Variants in ECPAS observed in about 807,000 individuals in gnomAD.
ECPAS encodes the protein proteasome adapter and scaffold protein ECM29.
ECPAS carries 70 observed loss-of-function variants against 255.1 expected under a neutral mutation model. The observed-to-expected ratio is 0.27, with a 90% confidence interval of 0.23 to 0.33. ECPAS has a LOEUF of 0.33. Among genes scored for constraint, ECPAS ranks in the 10% least tolerant of loss-of-function variants. ECPAS has a pLI of 1.00. For synonymous variants in ECPAS, 784 were observed against 775.0 expected, an observed-to-expected ratio of 1.01 and a Z score of -0.19; for missense variants, 1,817 against 2,206.4, an observed-to-expected ratio of 0.82 and a Z score of 3.54.
chr9:111,443,251 T>C (rs534235621), intron 4 of ECPAS, among the ~76,000 whole-genome samples: 7 of 152,148 alleles, frequency 4.6e-5, no homozygotes, highest in African/African-American at 1.2e-4. Flanking sequence ...TTCTGAAGCT[T>C]TTTCATTTTT....
intron 24 of ECPAS, among the ~76,000 whole-genome samples, chr9:111,401,378 T>C (rs2098175809): frequency 1.3e-5 from 2 of 152,124 alleles, no homozygotes; most frequent in South Asian, 4.1e-4. Context: ...TTATTAGGGA[T>C]TTTGAAAGGG....
intron 2 of ECPAS, among the ~76,000 whole-genome samples, chr9:111,464,506 C>CA (rs902462114): frequency 2.7e-5 from 4 of 150,858 alleles, no homozygotes; most frequent in Admixed American, 1.3e-4. Context: ...GTTCACAGCC[C>CA]AGGATTAGTA....
chr9:111,476,714 G>C (rs1017402423), intron 1 of ECPAS, among the ~76,000 whole-genome samples: 1 of 151,928 alleles, frequency 6.6e-6, no homozygotes, highest in Non-Finnish European at 1.5e-5. Flanking sequence ...CCAGGCTGGA[G>C]TGCAGTGGCA....
chr9:111,396,023 A>G (rs1440108537), intron 25 of ECPAS, among the ~76,000 whole-genome samples: 3 of 152,234 alleles, frequency 2.0e-5, no homozygotes, highest in Admixed American at 6.5e-5. Context: ...TGAACGCATT[A>G]CCGTGGAGTT....
intron 1 of ECPAS, among the ~76,000 whole-genome samples, chr9:111,483,223 C>T (rs2098309408): frequency 6.6e-6 from 1 of 151,902 alleles, no homozygotes; most frequent in Non-Finnish European, 1.5e-5. Context: ...GGCTGGGCTC[C>T]CCCGACCCCG....
At chr9:111,425,147 T>C (rs1446666828) in intron 12 of ECPAS, among the ~76,000 whole-genome samples, 2 of 151,520 alleles carry the variant, frequency 1.3e-5, no homozygotes, top group South Asian at 2.1e-4. Context: ...GATCATGCCA[T>C]TGCACTCCAG....
In ECPAS at chr9:111,369,164, C is replaced by G. The variant is rs541259690; in HGVS notation, c.4984G>C (p.Glu1662Gln). 3.2e-6 allele frequency: 5 copies of G among 1,581,040 alleles called. No individual in the cohort carries two copies. The African/African-American group carries it at 6.9e-5, about 22-fold the overall frequency. The change falls in exon 46 of 50, where the codon GAA becomes CAA. Residue 1662 changes from glutamate to glutamine, a missense_variant. This residue lies in a region of ECPAS where 960 missense variants were observed against 1,179.0 expected (regional missense o/e 0.81). Coordinates refer to ENST00000684092, the MANE Select transcript of ECPAS (RefSeq NM_001364929.1). ...TTGGTTGTCCGGACCCCACTGCTTTCAAGTGAGTTCTAGGATATATCAAAG... is the reference window on the plus strand; with the variant it reads ...TTGGTTGTCCGGACCCCACTGCTTTGAAGTGAGTTCTAGGATATATCAAAG... ...VIPLIKKNSL[E>Q]SSGVRTTKNE...
chr9:111,376,992 C>CA (rs1453072509), intron 36 of ECPAS, among the ~76,000 whole-genome samples: 2 of 152,288 alleles, frequency 1.3e-5, no homozygotes, highest in East Asian at 3.9e-4. Flanking sequence ...GAGAGGTTAA[C>CA]ACTATCCAGA....
intron 2 of ECPAS, among the ~76,000 whole-genome samples, chr9:111,466,104 A>T (rs2098279194): frequency 6.6e-6 from 1 of 152,134 alleles, no homozygotes; most frequent in Non-Finnish European, 1.5e-5. Context: ...AAGAAAAAAA[A>T]TTTTTAATCA....
At chr9:111,378,533 G>T (rs1271413296) in intron 36 of ECPAS, 47 bp downstream of exon 36, 6 of 1,566,172 alleles carry the variant, frequency 3.8e-6, no homozygotes, top group Non-Finnish European at 4.3e-6. Flanking sequence ...TCTTAACAGG[G>T]CTCTTCCCTC....
At chr9:111,407,403 G>GAA (rs1161790026) in intron 24 of ECPAS, among the ~76,000 whole-genome samples, 313 of 12,068 alleles carry the variant, frequency 0.026, 73 homozygotes, top group African/African-American at 0.039. Context: ...CTCCATCTCA[G>GAA]AAAAAAAAAA....
chr9:111,416,936 A>C (rs887333755), intron 17 of ECPAS, among the ~76,000 whole-genome samples: 1 of 152,208 alleles, frequency 6.6e-6, no homozygotes, highest in Admixed American at 6.5e-5. Context: ...ACAAAAGCAG[A>C]TGGGATGCTC....
intron 6 of ECPAS, among the ~76,000 whole-genome samples, chr9:111,437,746 G>A (rs1239070356): frequency 3.3e-5 from 5 of 152,126 alleles, no homozygotes; most frequent in African/African-American, 1.2e-4. Context: ...CCTTTGCACT[G>A]CCTTGGTTAA....
At chr9:111,387,393 G>A (rs185771896) in intron 31 of ECPAS, among the ~76,000 whole-genome samples, 8,866 of 138,814 alleles carry the variant, frequency 0.064, 405 homozygotes, top group East Asian at 0.2. Flanking sequence ...CTCACTCATC[G>A]TCAGTGCAGT....
chr9:111,421,118 G>A (rs2098212945), intron 15 of ECPAS, among the ~76,000 whole-genome samples: 1 of 152,116 alleles, frequency 6.6e-6, no homozygotes, highest in Non-Finnish European at 1.5e-5. Context: ...TGAACCACAT[G>A]CACTGCACAC....
chr9:111,428,595 A>G (rs575315536), intron 9 of ECPAS, among the ~76,000 whole-genome samples: 4 of 152,302 alleles, frequency 2.6e-5, no homozygotes, highest in East Asian at 1.9e-4. Context: ...TTTGGTTGAA[A>G]TAAGTAACAA....
chr9:111,407,425 A>C (rs987674896), intron 24 of ECPAS, among the ~76,000 whole-genome samples: 1 of 129,204 alleles, frequency 7.7e-6, no homozygotes, highest in Non-Finnish European at 1.6e-5. Context: ...AAAAAAAAAA[A>C]AAAAAAAAAA....
intron 8 of ECPAS, among the ~76,000 whole-genome samples, chr9:111,432,503 A>G (rs973925167): frequency 1.3e-5 from 2 of 152,204 alleles, no homozygotes; most frequent in Non-Finnish European, 2.9e-5. Flanking sequence ...AGTCCCAGCT[A>G]CTTGGGAGGC....
chr9:111,376,362 G>T, intron 37 of ECPAS, 114 bp downstream of exon 37: 1 of 784,848 alleles, frequency 1.3e-6, no homozygotes, highest in Non-Finnish European at 2.1e-6. Context: ...AGTCACAACA[G>T]CTGCTTGACT....
Sources: allele counts gnomAD v4.1 joint callset (sites outside exome capture counted in the v4.1 genomes callset), GRCh38; gene constraint gnomAD v4.1.1; regional missense constraint gnomAD v4.1.1; transcripts MANE v1.5; gene names NCBI Gene and HGNC (gene_info 2026-07-23, HGNC 2026-07-21).